SH3GL2: variants seen among roughly 807,000 people sequenced by gnomAD.
The protein encoded by SH3GL2 is SH3 domain containing GRB2 like 2, endophilin A1.
SH3GL2 carries 24 observed loss-of-function variants against 46.0 expected under a neutral mutation model. That is an observed-to-expected ratio of 0.52 (90% CI 0.38 to 0.73). The LOEUF (loss-of-function observed/expected upper bound fraction) is 0.73. SH3GL2 is among the 30% of genes least tolerant of loss of function. The pLI, the probability that SH3GL2 is intolerant of heterozygous loss-of-function variation, is 0.00. For synonymous variants in SH3GL2, 196 were observed against 147.1 expected (o/e 1.33, Z -2.40); for missense variants, 413 against 424.2 (o/e 0.97, Z 0.23).
intron 1 of SH3GL2, among the ~76,000 whole-genome samples, chr9:17,736,802 A>G (rs549875610): frequency 4.6e-5 from 7 of 152,208 alleles, no homozygotes; most frequent in African/African-American, 1.4e-4. Flanking sequence ...GTAGCCGTCA[A>G]TTACTGTACT....
At chr9:17,789,747 A>G (rs1212562140) in intron 6 of SH3GL2, 197 bp downstream of exon 6, 5 of 1,355,596 alleles carry the variant, frequency 3.7e-6, no homozygotes, top group Non-Finnish European at 3.8e-6. Flanking sequence ...GCATTCCTGT[A>G]GTTTAACTAG....
At chr9:17,736,273 C>A (rs1822332137) in intron 1 of SH3GL2, among the ~76,000 whole-genome samples, 1 of 152,086 alleles carries the variant, frequency 6.6e-6, no homozygotes, top group African/African-American at 2.4e-5. Flanking sequence ...CATAGAATTT[C>A]TAGAGATACT....
intron 1 of SH3GL2, among the ~76,000 whole-genome samples, chr9:17,743,133 C>A (rs1469279426): frequency 6.6e-6 from 1 of 152,058 alleles, no homozygotes; most frequent in Non-Finnish European, 1.5e-5. Context: ...TCACCTTGAT[C>A]CTTATGCATA....
chr9:17,787,561 A>T (rs377311510), intron 5 of SH3GL2, 48 bp downstream of exon 5: 3 of 1,500,318 alleles, frequency 2.0e-6, no homozygotes, highest in Non-Finnish European at 1.8e-6. Context: ...AATCATACAG[A>T]TGCAGATGCC....
chr9:17,696,645 C>T (rs1465554310), intron 1 of SH3GL2, among the ~76,000 whole-genome samples: 3 of 152,166 alleles, frequency 2.0e-5, no homozygotes, highest in East Asian at 3.9e-4. Context: ...CATGAAAACT[C>T]ACTCACTATA....
At chr9:17,710,084 G>C (rs1396241381) in intron 1 of SH3GL2, among the ~76,000 whole-genome samples, 2 of 151,918 alleles carry the variant, frequency 1.3e-5, no homozygotes, top group Admixed American at 6.6e-5. Flanking sequence ...CCTAAAATCA[G>C]TTAGGGAACT....
At chr9:17,786,778 G>C (rs1823970691) in intron 4 of SH3GL2, among the ~76,000 whole-genome samples, 1 of 151,752 alleles carries the variant, frequency 6.6e-6, no homozygotes, top group Non-Finnish European at 1.5e-5. Context: ...GACATATCCA[G>C]ATGCCTCCTT....
chr9:17,624,068 T>G (rs1439125171), intron 1 of SH3GL2, among the ~76,000 whole-genome samples: 2 of 152,234 alleles, frequency 1.3e-5, no homozygotes, highest in African/African-American at 4.8e-5. Flanking sequence ...TTGGTTTATC[T>G]CGTTTTTAAG....
intron 1 of SH3GL2, among the ~76,000 whole-genome samples, chr9:17,586,364 CT>C (rs907580044): frequency 1.3e-5 from 2 of 151,922 alleles, no homozygotes; most frequent in Non-Finnish European, 2.9e-5. Flanking sequence ...TGTTTTCTGC[CT>C]TTTTTTGAAT....
chr9:17,745,690 C>T (rs951809352), intron 1 of SH3GL2, among the ~76,000 whole-genome samples: 3 of 151,988 alleles, frequency 2.0e-5, no homozygotes, highest in African/African-American at 7.3e-5. Flanking sequence ...CAGCTCAGGT[C>T]CCCCAACAAG....
chr9:17,717,290 A>G (rs899030788), intron 1 of SH3GL2, among the ~76,000 whole-genome samples: 1 of 152,118 alleles, frequency 6.6e-6, no homozygotes, highest in Non-Finnish European at 1.5e-5. Context: ...CACATTTCGT[A>G]TTTTGGGTAT....
chr9:17,638,912 G>T (rs1471621719), intron 1 of SH3GL2, among the ~76,000 whole-genome samples: 1 of 152,156 alleles, frequency 6.6e-6, no homozygotes. Context: ...AATTACAGGG[G>T]TTTTGTGAGA....
chr9:17,666,776 G>C (rs1419047166), intron 1 of SH3GL2, among the ~76,000 whole-genome samples: 2 of 151,958 alleles, frequency 1.3e-5, no homozygotes, highest in Admixed American at 1.3e-4. Context: ...TAACTTCCTG[G>C]AAGTAATATT....
chr9:17,685,134 T>G (rs762138111), intron 1 of SH3GL2, among the ~76,000 whole-genome samples: 33 of 152,066 alleles, frequency 2.2e-4, no homozygotes, highest in Non-Finnish European at 8.8e-5. Flanking sequence ...GGTGTGTGTG[T>G]GTTTATGTCT....
intron 1 of SH3GL2, among the ~76,000 whole-genome samples, chr9:17,682,494 G>A (rs1026157801): frequency 3.9e-5 from 6 of 151,986 alleles, no homozygotes; most frequent in East Asian, 1.9e-4. Context: ...TGGTAAGTGC[G>A]AGTTGAACAT....
intron 1 of SH3GL2, among the ~76,000 whole-genome samples, chr9:17,710,389 A>C (rs1821587114): frequency 1.3e-5 from 2 of 151,954 alleles, no homozygotes; most frequent in African/African-American, 4.8e-5. Flanking sequence ...ACGGACTAAT[A>C]CAGGGACCAT....
chr9:17,697,289 T>A (rs1821227181), intron 1 of SH3GL2, among the ~76,000 whole-genome samples: 1 of 151,854 alleles, frequency 6.6e-6, no homozygotes. Context: ...AGTGACATGA[T>A]CTCGGCTCAC....
intron 1 of SH3GL2, among the ~76,000 whole-genome samples, chr9:17,658,414 GC>G (rs1347235826): frequency 2.0e-5 from 3 of 152,140 alleles, no homozygotes; most frequent in African/African-American, 7.2e-5. Flanking sequence ...CTGGCAAAAA[GC>G]TTTATTTCAT....
chr9:17,670,245 G>C (rs1047773221), intron 1 of SH3GL2, among the ~76,000 whole-genome samples: 1 of 152,142 alleles, frequency 6.6e-6, no homozygotes, highest in African/African-American at 2.4e-5. Flanking sequence ...GCATCCCCCA[G>C]TGCAAGCTTC....
Sources: gnomAD v4.1 joint callset for allele counts (sites outside exome capture counted in the v4.1 genomes callset) on GRCh38, gnomAD v4.1.1 for gene constraint, MANE v1.5 for transcripts, NCBI Gene and HGNC (gene_info 2026-07-23, HGNC 2026-07-21) for gene names.